UGT1A4: variants seen among roughly 807,000 people sequenced by gnomAD.
UGT1A4 encodes UDP glucuronosyltransferase family 1 member A4.
Under a neutral mutation model 41.1 loss-of-function variants are expected in UGT1A4, and 32 were observed. The observed-to-expected ratio is 0.78, with a 90% CI of 0.59 to 1.05. The LOEUF (loss-of-function observed/expected upper bound fraction) is 1.05, where lower values mean the gene tolerates loss of function less well. UGT1A4 is among the 50% of genes least tolerant of loss of function. The pLI is 0.00. For synonymous variants in UGT1A4, 283 were observed against 265.1 expected (o/e 1.07, Z -0.66); for missense variants, 748 against 677.4 (o/e 1.10, Z -1.16).
intron 1 of UGT1A4, chr2:233,747,274 A>G: frequency 6.3e-7 from 1 of 1,599,206 alleles, no homozygotes; most frequent in Admixed American, 1.7e-5. Flanking sequence ...ACTCCTTCTC[A>G]GTGCCCAGCC....
chr2:233,735,747 T>C (rs933103602), intron 1 of UGT1A4, among the ~76,000 whole-genome samples: 3 of 152,290 alleles, frequency 2.0e-5, no homozygotes, highest in African/African-American at 7.2e-5. Context: ...TATAAAGGAT[T>C]TTATTTCTCC....
chr2:233,767,049 AT>A lies in UGT1A4; in HGVS notation c.885del (p.Asn296MetfsTer71). ...KPLSQEFEAY[I>X]NASGEHGIVV... ...CTGGCTCTAGGAATTTGAAGCCTACATTAATGCTTCTGGAGAACATGGAATT... is the reference window on the plus strand; with the variant it reads ...CTGGCTCTAGGAATTTGAAGCCTACATAATGCTTCTGGAGAACATGGAATT... On this transcript the variant is annotated frameshift_variant, in exon 2 of 5. Transcript: ENST00000373409. LOFTEE classifies it high-confidence loss of function. The A allele has an allele frequency of 6.2e-7, 1 of 1,614,146 alleles. No individual in the cohort carries two copies. The highest frequency in any genetic ancestry group is 8.5e-7 in the Non-Finnish European group (1 of 1,180,002).
intron 4 of UGT1A4, among the ~76,000 whole-genome samples, chr2:233,771,801 TC>T (rs1700390551): frequency 9.1e-6 from 1 of 110,270 alleles, no homozygotes; most frequent in Non-Finnish European, 1.8e-5. Flanking sequence ...CCTCCCTCCC[TC>T]CCTTCCTCCT....
intron 1 of UGT1A4, chr2:233,760,886 A>C (rs1453639780): frequency 8.7e-6 from 14 of 1,613,816 alleles, no homozygotes; most frequent in Non-Finnish European, 1.1e-5. Flanking sequence ...CTCTCCTCTC[A>C]TTCAGATCAC....
chr2:233,736,852 G>A (rs2078820278), intron 1 of UGT1A4, among the ~76,000 whole-genome samples: 1 of 152,188 alleles, frequency 6.6e-6, no homozygotes, highest in Non-Finnish European at 1.5e-5. Flanking sequence ...AGTGGAGGCT[G>A]CAGAACAGCA....
chr2:233,748,016 G>A (rs1039251990), intron 1 of UGT1A4: 59 of 1,613,480 alleles, frequency 3.7e-5, no homozygotes, highest in Middle Eastern at 1.7e-4. Flanking sequence ...ACCCCAGGCC[G>A]ATCATGCCCA....
In UGT1A4 at chr2:233,768,473, A is replaced by G. The variant is rs1334897468; in HGVS notation, c.1307+34A>G. ...GAAGATACAGAAGAATACTTTGGTC[A>G]TGGCATTCATGATAAAATTGTTTCA... is the stretch of plus-strand genomic sequence containing the variant. On this transcript the variant is annotated intron_variant, in intron 4 of 4. Transcript: ENST00000373409. The G allele has an allele frequency of 3.8e-6, 6 of 1,597,614 alleles. No homozygotes were observed. The African/African-American group carries it at 4.0e-5, about 11-fold the overall frequency.
chr2:233,767,748 T>A (rs2126034446), intron 2 of UGT1A4, 101 bp from the exon 3 acceptor site: 2 of 1,587,100 alleles, frequency 1.3e-6, no homozygotes, highest in East Asian at 4.5e-5. Context: ...TGTTAAAGAC[T>A]GTTCCTTCAG....
intron 1 of UGT1A4, chr2:233,742,016 C>T (rs115965783): frequency 0.01 from 1,533 of 152,008 alleles, 58 homozygotes; most frequent in African/African-American, 0.035. Context: ...CTTTCATCAA[C>T]CTAATTTGAT....
rs1191601958 is a variant in UGT1A4, at chr2:233,739,349, G to A, written c.867+19662G>A. ...GCCACAGTCCTTCAGAACCCAGAAGGGCAGATCCAATAGCTTGCACTGTGT... is the reference window on the plus strand; with the variant it reads ...GCCACAGTCCTTCAGAACCCAGAAGAGCAGATCCAATAGCTTGCACTGTGT... On this transcript the variant is annotated intron_variant, in intron 1 of 4. Coordinates refer to ENST00000373409, the MANE Select transcript of UGT1A4 (RefSeq NM_007120.3). Among the ~76,000 whole-genome samples, 6 of 152,284 alleles carry A rather than the reference G, an allele frequency of 3.9e-5. No homozygotes were observed. In the East Asian group the frequency reaches 5.8e-4, roughly 15 times the overall value.
At position 233,772,394 on chromosome 2, in the gene UGT1A4, C is replaced by T. The variant is rs369610863; in HGVS notation, c.1440C>T (p.His480=). Reference sequence around the variant, plus strand: ...CGCCACACCTGCGCCCCGCAGCCCACGACCTCACCTGGTACCAGTACCATT... The same window carrying T: ...CGCCACACCTGCGCCCCGCAGCCCATGACCTCACCTGGTACCAGTACCATT... ...KGAPHLRPAA[H]DLTWYQYHSL... The change falls in exon 5 of 5, where the codon CAC becomes CAT. Residue 480 remains histidine, a synonymous_variant. Coordinates refer to ENST00000373409, the MANE Select transcript of UGT1A4 (RefSeq NM_007120.3). 1.2e-5 allele frequency: 19 copies of T among 1,614,144 alleles called. No homozygotes were observed. The highest frequency in any genetic ancestry group is 1.2e-4 in the Admixed American group (7 of 60,014).
intron 1 of UGT1A4, among the ~76,000 whole-genome samples, chr2:233,749,150 C>G (rs1694128023): frequency 6.6e-6 from 1 of 151,782 alleles, no homozygotes; most frequent in Non-Finnish European, 1.5e-5. Flanking sequence ...ACTTCCATGA[C>G]TTGATCCTTT....
rs543664272 is a variant in UGT1A4 at position 233,740,192 on chromosome 2, C to A, written c.867+20505C>A. Among the ~76,000 whole-genome samples, 491 of 151,932 alleles carry A rather than the reference C, an allele frequency of 3.2e-3. 4 individuals are homozygous for A. The highest frequency in any genetic ancestry group is 5.8e-3 in the Non-Finnish European group (395 of 68,032). On this transcript the variant is annotated intron_variant, in intron 1 of 4. Transcript: ENST00000373409. ...AACTGTGAGTCAATTAAACCTCTTT[C>A]TTTTATAAATTACCCAGTCTCAGCT...
intron 2 of UGT1A4, 120 bp from the exon 3 acceptor site, chr2:233,767,729 C>T: frequency 1.3e-6 from 2 of 1,560,058 alleles, no homozygotes; most frequent in Middle Eastern, 1.7e-4. Flanking sequence ...GTTACTGATC[C>T]TCCCACTCTG....
At chr2:233,750,125 A>G (rs1331571759) in intron 1 of UGT1A4, among the ~76,000 whole-genome samples, 47 of 151,914 alleles carry the variant, frequency 3.1e-4, no homozygotes, top group Admixed American at 3.1e-3. Flanking sequence ...AAGATGTGGG[A>G]AAGTTTGGAA....
rs760019185 is a variant in UGT1A4, at chr2:233,760,846, C to T, written c.868-6188C>T. 1 of 1,613,970 alleles carries T rather than the reference C, an allele frequency of 6.2e-7. No individual in the cohort carries two copies. Among genetic ancestry groups the T allele is most frequent in the Non-Finnish European group, 8.5e-7 (1 of 1,179,912 alleles). On this transcript the variant is annotated intron_variant, in intron 1 of 4. Coordinates refer to ENST00000373409, the MANE Select transcript of UGT1A4 (RefSeq NM_007120.3). ...CCTGGAATTTGAGGCTACCCAGTGC[C>T]CCAACCCATTCTCCTACGTGCCCAG... is the stretch of plus-strand genomic sequence containing the variant.
chr2:233,765,894 C>T (rs527736361), intron 1 of UGT1A4, among the ~76,000 whole-genome samples: 4 of 152,178 alleles, frequency 2.6e-5, no homozygotes, highest in African/African-American at 9.6e-5. Context: ...CAGTGCGCCA[C>T]TGCTCAAACC....
intron 1 of UGT1A4, chr2:233,743,573 A>C (rs765598613): frequency 7.3e-7 from 1 of 1,367,260 alleles, no homozygotes; most frequent in Non-Finnish European, 9.8e-7. Context: ...CGGGTTTCCC[A>C]AGAGGTCAAA....
chr2:233,772,248 G>C lies in UGT1A4; in HGVS notation c.1308-14G>C. 2 of 1,614,220 alleles carry C rather than the reference G, an allele frequency of 1.2e-6. No homozygotes were observed. Among genetic ancestry groups the C allele is most frequent in the Non-Finnish European group, 1.7e-6 (2 of 1,180,034 alleles). ...CAGGTGTTCCAGGCATAACGAAACT[G>C]TCTTTGTGTTTAGTTACAAGGAGAA... On this transcript the variant is annotated splice_polypyrimidine_tract_variant and intron_variant, in intron 4 of 4. Transcript: ENST00000373409.
Sources: gnomAD v4.1 joint callset for allele counts (sites outside exome capture counted in the v4.1 genomes callset) on GRCh38, gnomAD v4.1.1 for gene constraint, MANE v1.5 for transcripts, NCBI Gene and HGNC (gene_info 2026-07-23, HGNC 2026-07-21) for gene names.